The following ZFAT variants were observed in gnomAD, a reference collection of about 807,000 sequenced individuals.
ZFAT encodes the protein zinc finger and AT-hook domain containing.
A neutral mutation model predicts 117.7 loss-of-function variants in ZFAT; 64 were observed. The observed-to-expected ratio is 0.54, with a 90% CI of 0.44 to 0.67. The LOEUF is 0.67. ZFAT is among the 30% of genes least tolerant of loss of function. ZFAT has a pLI of 0.00. For synonymous variants in ZFAT, 679 were observed against 615.0 expected (o/e 1.10, Z -1.54); for missense variants, 1,433 against 1,584.5 (o/e 0.90, Z 1.62).
At chr8:134,550,697 T>C (rs1823096432) in intron 11 of ZFAT, among the ~76,000 whole-genome samples, 2 of 152,230 alleles carry the variant, frequency 1.3e-5, no homozygotes, top group Admixed American at 6.5e-5. Flanking sequence ...TTTCCTTTTT[T>C]TTCCAGAGGT....
At chr8:134,711,694 T>C (rs1036154097) in intron 1 of ZFAT, among the ~76,000 whole-genome samples, 5 of 152,172 alleles carry the variant, frequency 3.3e-5, no homozygotes, top group Non-Finnish European at 7.3e-5. Context: ...AATATTCGGC[T>C]CTGGGCCCAC....
At chr8:134,672,720 A>T (rs1406129680) in intron 1 of ZFAT, among the ~76,000 whole-genome samples, 2 of 152,224 alleles carry the variant, frequency 1.3e-5, no homozygotes, top group African/African-American at 4.8e-5. Context: ...CGGAAATGGC[A>T]CAACATTTTT....
At chr8:134,823,667 CT>C in the ZFAT span, among the ~76,000 whole-genome samples, 1 of 152,158 alleles carries the variant, frequency 6.6e-6, no homozygotes, top group African/African-American at 2.4e-5. Context: ...TATCTTGACA[CT>C]TGAAGGCCCC....
the ZFAT span, among the ~76,000 whole-genome samples, chr8:134,777,487 T>C: frequency 6.6e-6 from 1 of 152,214 alleles, no homozygotes. Flanking sequence ...GAACATTGCC[T>C]AACCTCTTTA....
intron 10 of ZFAT, chr8:134,565,691 T>G: frequency 1.8e-6 from 1 of 554,030 alleles, no homozygotes. Context: ...ATCAGGCTCC[T>G]AAAGAAAGAG....
chr8:134,782,386 A>T, the ZFAT span, among the ~76,000 whole-genome samples: 1 of 152,220 alleles, frequency 6.6e-6, no homozygotes, highest in African/African-American at 2.4e-5. Context: ...TGCCAGCACT[A>T]AAATATTTCC....
At chr8:134,752,229 C>A in the ZFAT span, among the ~76,000 whole-genome samples, 2 of 152,206 alleles carry the variant, frequency 1.3e-5, no homozygotes, top group Admixed American at 1.3e-4. Flanking sequence ...TCTCTAACAT[C>A]TTAATCTATG....
At chr8:134,517,725 G>T (rs1027805294) in intron 13 of ZFAT, among the ~76,000 whole-genome samples, 5 of 152,176 alleles carry the variant, frequency 3.3e-5, no homozygotes, top group African/African-American at 1.2e-4. Context: ...GGCTGTGAAA[G>T]TTCCTCAGAC....
At chr8:134,828,337 G>T in the ZFAT span, among the ~76,000 whole-genome samples, 1 of 152,028 alleles carries the variant, frequency 6.6e-6, no homozygotes. Context: ...CCCGAAGTTG[G>T]GCTTTTGACC....
At chr8:134,724,845 C>G in the ZFAT span, among the ~76,000 whole-genome samples, 329 of 152,256 alleles carry the variant, frequency 2.2e-3, 3 homozygotes, top group African/African-American at 7.5e-3. Flanking sequence ...ATTCACCCCA[C>G]ACTCCCCAGT....
At chr8:134,513,861 T>C (rs1820045058) in intron 13 of ZFAT, among the ~76,000 whole-genome samples, 1 of 152,234 alleles carries the variant, frequency 6.6e-6, no homozygotes, top group African/African-American at 2.4e-5. Flanking sequence ...TTTAGGTGTT[T>C]CCATCCTGAC....
At chr8:134,772,859 A>G in the ZFAT span, among the ~76,000 whole-genome samples, 2 of 152,090 alleles carry the variant, frequency 1.3e-5, no homozygotes, top group South Asian at 2.1e-4. Context: ...TCAGGAGTTC[A>G]AGACCAGCCT....
At position 134,600,398 on chromosome 8, in the gene ZFAT, C is replaced by T. The variant is rs759919806; in HGVS notation, c.2475+38G>A. 2.5e-6 allele frequency: 4 copies of T among 1,570,152 alleles called. No homozygotes were observed. In the South Asian group the frequency reaches 4.4e-5, roughly 17 times the overall value. On this transcript the variant is annotated intron_variant, in intron 7 of 15. Transcript: ENST00000377838. ...TAAACTTGAGAAAGCAATGAGCACC[C>T]AGGGGAGACGGGGCTGCCGCTTGGG...
intron 7 of ZFAT, among the ~76,000 whole-genome samples, chr8:134,592,800 C>T (rs375416945): frequency 1.3e-5 from 2 of 152,170 alleles, no homozygotes; most frequent in African/African-American, 4.8e-5. Flanking sequence ...CCCCAGCGTA[C>T]ACTTAGAAAA....
At chr8:134,654,791 A>G (rs1831490634) in intron 2 of ZFAT, among the ~76,000 whole-genome samples, 1 of 152,256 alleles carries the variant, frequency 6.6e-6, no homozygotes, top group Non-Finnish European at 1.5e-5. Context: ...ACCCTGTGTC[A>G]GGCCCCATGC....
chr8:134,829,407 C>A, the ZFAT span, among the ~76,000 whole-genome samples: 1 of 152,218 alleles, frequency 6.6e-6, no homozygotes, highest in African/African-American at 2.4e-5. Context: ...ACAATTTTCC[C>A]ACTCAGTTAA....
intron 2 of ZFAT, among the ~76,000 whole-genome samples, chr8:134,653,354 G>A (rs1261188888): frequency 7.2e-6 from 1 of 138,332 alleles, no homozygotes; most frequent in South Asian, 2.3e-4. Flanking sequence ...ACAGCTCACT[G>A]TAGCCTCAAC....
intron 1 of ZFAT, among the ~76,000 whole-genome samples, chr8:134,686,794 T>C (rs188675088): frequency 7.9e-5 from 12 of 152,280 alleles, no homozygotes; most frequent in African/African-American, 2.6e-4. Flanking sequence ...GGTACCCACC[T>C]TGTCAGAAGC....
At chr8:134,753,237 A>G in the ZFAT span, among the ~76,000 whole-genome samples, 5 of 148,372 alleles carry the variant, frequency 3.4e-5, no homozygotes, top group African/African-American at 1.2e-4. Flanking sequence ...ACCAACCAAC[A>G]ACAACAACAA....
Sources: gnomAD v4.1 joint callset for allele counts (sites outside exome capture counted in the v4.1 genomes callset) on GRCh38, gnomAD v4.1.1 for gene constraint, MANE v1.5 for transcripts, NCBI Gene and HGNC (gene_info 2026-07-23, HGNC 2026-07-21) for gene names.